Variants in LRRTM4 observed in about 807,000 individuals in gnomAD.
LRRTM4 encodes the protein leucine-rich repeat transmembrane neuronal protein 4.
A neutral mutation model predicts 47.6 loss-of-function variants in LRRTM4; 25 were observed. That is an observed-to-expected ratio of 0.53 (90% confidence interval 0.38 to 0.73). The LOEUF is 0.73. Ranked by LOEUF, LRRTM4 falls within the 30% of genes least tolerant of loss-of-function variation. The pLI is 0.00. For missense variants in LRRTM4, 638 were observed against 713.4 expected, an observed-to-expected ratio of 0.89 and a Z score of 1.20; for synonymous variants, 311 against 269.5, an observed-to-expected ratio of 1.15 and a Z score of -1.51.
At chr2:76,944,604 C>G (rs1008799444) in intron 3 of LRRTM4, among the ~76,000 whole-genome samples, 1 of 151,974 alleles carries the variant, frequency 6.6e-6, no homozygotes, top group African/African-American at 2.4e-5. Context: ...GGAGGTTCAT[C>G]TATAGAGAGA....
At chr2:76,975,592 A>G (rs1038772581) in intron 3 of LRRTM4, among the ~76,000 whole-genome samples, 1 of 151,718 alleles carries the variant, frequency 6.6e-6, no homozygotes, top group African/African-American at 2.4e-5. Flanking sequence ...GTTCAAAATA[A>G]AAGAAAATAA....
intron 3 of LRRTM4, among the ~76,000 whole-genome samples, chr2:77,254,432 A>G (rs929175012): frequency 6.6e-6 from 1 of 152,010 alleles, no homozygotes; most frequent in Non-Finnish European, 1.5e-5. Flanking sequence ...GAACAGATTT[A>G]GGGCATTCTC....
intron 3 of LRRTM4, among the ~76,000 whole-genome samples, chr2:77,427,654 C>T (rs1034706036): frequency 6.6e-6 from 1 of 152,056 alleles, no homozygotes; most frequent in Non-Finnish European, 1.5e-5. Flanking sequence ...TGTATTTTCA[C>T]CTTAAAATAT....
At chr2:77,248,749 A>C (rs1179041873) in intron 3 of LRRTM4, among the ~76,000 whole-genome samples, 1 of 152,164 alleles carries the variant, frequency 6.6e-6, no homozygotes, top group African/African-American at 2.4e-5. Context: ...GCACATAATT[A>C]TAGTCAACTG....
At chr2:77,131,957 GTATT>G (rs1359539641) in intron 3 of LRRTM4, among the ~76,000 whole-genome samples, 2 of 152,184 alleles carry the variant, frequency 1.3e-5, no homozygotes, top group South Asian at 2.1e-4. Flanking sequence ...TAAAGTCAGA[GTATT>G]TAGGGTATCC....
chr2:76,912,918 T>G (rs887169345), intron 3 of LRRTM4, among the ~76,000 whole-genome samples: 2 of 152,170 alleles, frequency 1.3e-5, no homozygotes, highest in African/African-American at 4.8e-5. Flanking sequence ...CCGCTATGCT[T>G]CCTGTACAGC....
In LRRTM4 at chr2:76,781,708, C is replaced by G. The variant is rs571195769; in HGVS notation, c.1552-32792G>C. On this transcript the variant is annotated intron_variant, in intron 3 of 3. Coordinates refer to ENST00000409884, the MANE Select transcript of LRRTM4 (RefSeq NM_001134745.3). ...CTCAGATGGAAATGCAGAAATCACC[C>G]GTCCTCTGCGTCGCTCACGCTGGGA... Among the ~76,000 whole-genome samples the G allele has an allele frequency of 1.4e-4, 21 of 152,294 alleles. No individual in the cohort carries two copies. The East Asian group carries it at 3.5e-3, about 25-fold the overall frequency.
chr2:77,156,656 C>T (rs926799257), intron 3 of LRRTM4, among the ~76,000 whole-genome samples: 10 of 150,534 alleles, frequency 6.6e-5, no homozygotes, highest in African/African-American at 2.2e-4. Flanking sequence ...ACATGAAATT[C>T]GGGGTGAGGT....
intron 3 of LRRTM4, among the ~76,000 whole-genome samples, chr2:77,034,807 G>A (rs922256341): frequency 2.6e-5 from 4 of 151,804 alleles, no homozygotes; most frequent in African/African-American, 9.7e-5. Flanking sequence ...TCTTTTGAGG[G>A]TTGCAAAATT....
At chr2:77,254,790 A>G (rs1675715938) in intron 3 of LRRTM4, among the ~76,000 whole-genome samples, 1 of 151,786 alleles carries the variant, frequency 6.6e-6, no homozygotes, top group Admixed American at 6.6e-5. Flanking sequence ...AAGGAGATAT[A>G]CTTAAAAACA....
intron 3 of LRRTM4, among the ~76,000 whole-genome samples, chr2:77,191,820 A>C (rs975144097): frequency 3.7e-4 from 56 of 152,198 alleles, no homozygotes; most frequent in African/African-American, 1.3e-3. Flanking sequence ...GGCTTGTTAC[A>C]TAGATAAACC....
At chr2:77,507,376 T>C (rs1306406117) in intron 3 of LRRTM4, among the ~76,000 whole-genome samples, 1 of 152,090 alleles carries the variant, frequency 6.6e-6, no homozygotes, top group Non-Finnish European at 1.5e-5. Context: ...AAAGATTCCT[T>C]GTCAATCTTC....
intron 3 of LRRTM4, among the ~76,000 whole-genome samples, chr2:76,788,590 G>T (rs181050844): frequency 5.9e-5 from 9 of 152,308 alleles, no homozygotes; most frequent in Middle Eastern, 3.4e-3. Context: ...TAAGTGCAAG[G>T]AAGTTTATAA....
intron 3 of LRRTM4, among the ~76,000 whole-genome samples, chr2:77,229,784 T>C (rs1674914187): frequency 6.6e-6 from 1 of 152,194 alleles, no homozygotes; most frequent in Non-Finnish European, 1.5e-5. Context: ...AAGTTTCTTC[T>C]GCCTGAAATA....
chr2:77,076,785 T>A (rs1680350944), intron 3 of LRRTM4, among the ~76,000 whole-genome samples: 1 of 152,178 alleles, frequency 6.6e-6, no homozygotes, highest in African/African-American at 2.4e-5. Context: ...GTCCAAAGTA[T>A]CGATGAATGT....
At position 77,181,217 on chromosome 2, in the gene LRRTM4, C is replaced by T. The variant is rs374073254; in HGVS notation, c.1551+337101G>A. ...ACTGGCTGCTCGAAGGAAAATACCA[C>T]ATGGATATAACAAAAATGGTGTCCA... On this transcript the variant is annotated intron_variant, in intron 3 of 3. Coordinates refer to ENST00000409884, the MANE Select transcript of LRRTM4 (RefSeq NM_001134745.3). 2.2e-4 allele frequency among the ~76,000 whole-genome samples: 33 copies of T among 152,198 alleles called. No individual in the cohort carries two copies. The East Asian group carries it at 5.4e-3, about 25-fold the overall frequency.
intron 3 of LRRTM4, among the ~76,000 whole-genome samples, chr2:77,247,889 A>T (rs1216288580): frequency 1.3e-5 from 2 of 151,310 alleles, no homozygotes; most frequent in East Asian, 1.9e-4. Context: ...TAAAATTATG[A>T]CATTGTTTAT....
chr2:77,208,863 G>T (rs1674214102), intron 3 of LRRTM4, among the ~76,000 whole-genome samples: 1 of 152,128 alleles, frequency 6.6e-6, no homozygotes, highest in Non-Finnish European at 1.5e-5. Context: ...ATCTTGATGT[G>T]AATTAACCCA....
At chr2:77,336,760 T>C (rs2104265184) in intron 3 of LRRTM4, among the ~76,000 whole-genome samples, 1 of 152,208 alleles carries the variant, frequency 6.6e-6, no homozygotes, top group East Asian at 1.9e-4. Flanking sequence ...GCCAAGATCA[T>C]ATACTGAATG....
Sources: gnomAD v4.1 joint callset for allele counts (sites outside exome capture counted in the v4.1 genomes callset) on GRCh38, gnomAD v4.1.1 for gene constraint, MANE v1.5 for transcripts, NCBI Gene and HGNC (gene_info 2026-07-23, HGNC 2026-07-21) for gene names.